The following SCARB1 variants were observed in gnomAD, a reference collection of about 807,000 sequenced individuals.
SCARB1 encodes the protein scavenger receptor class B member 1.
Under a neutral mutation model 57.2 loss-of-function variants are expected in SCARB1, and 30 were observed. The ratio of observed to expected loss-of-function variants is 0.52; its 90% CI spans 0.39 to 0.71. The LOEUF (loss-of-function observed/expected upper bound fraction) is 0.71, where lower values mean the gene tolerates loss of function less well. Ranked by LOEUF, SCARB1 falls within the 30% of genes least tolerant of loss-of-function variation. The probability of loss-of-function intolerance (pLI) is 0.00; values close to 1 mark genes in which losing one functional copy is unlikely to be tolerated. For synonymous variants in SCARB1, 249 were observed against 268.3 expected, an observed-to-expected ratio of 0.93 and a Z score of 0.70; for missense variants, 543 against 671.2, an observed-to-expected ratio of 0.81 and a Z score of 2.11.
rs563331378 is a variant in SCARB1, at chr12:124,780,579, G to A, written c.*1-1993C>T. 2.6e-5 allele frequency among the ~76,000 whole-genome samples: 4 copies of A among 152,334 alleles called. No homozygotes were observed. The South Asian group carries it at 8.3e-4, about 32-fold the overall frequency. On this transcript the variant is annotated intron_variant, in intron 12 of 12. Transcript: ENST00000261693. ...CTGCAGCCAGCCACTGGAGGACACT[G>A]CATTCCCCGTTTCACATGCCTAGGG...
At chr12:124,788,193 C>G (rs1317902622) in intron 9 of SCARB1, among the ~76,000 whole-genome samples, 1 of 152,186 alleles carries the variant, frequency 6.6e-6, no homozygotes, top group East Asian at 1.9e-4. Context: ...GGAATCTCCC[C>G]TGGCAAAGAG....
chr12:124,795,274 G>A lies in SCARB1; in HGVS notation c.1129-6C>T, dbSNP rs1477163711. 1 of 1,613,062 alleles carries A rather than the reference G, an allele frequency of 6.2e-7. No individual in the cohort carries two copies. Among genetic ancestry groups the A allele is most frequent in the East Asian group, 2.2e-5 (1 of 44,844 alleles). ...TTCATGGGGATTCCCGTGACCTGCG[G>A]CAACAAACACAGTGAGGAGACTGGC... On this transcript the variant is annotated splice_region_variant and splice_polypyrimidine_tract_variant and intron_variant, in intron 8 of 12. Transcript: ENST00000261693.
At chr12:124,798,702 G>T (rs1487057834) in intron 8 of SCARB1, among the ~76,000 whole-genome samples, 4 of 151,954 alleles carry the variant, frequency 2.6e-5, no homozygotes, top group Non-Finnish European at 5.9e-5. Flanking sequence ...AATTAGCCGG[G>T]TGTGGTGGTG....
At chr12:124,825,488 T>A (rs188617101) in intron 1 of SCARB1, among the ~76,000 whole-genome samples, 5 of 152,034 alleles carry the variant, frequency 3.3e-5, no homozygotes, top group South Asian at 4.2e-4. Context: ...CGGGCCAACA[T>A]GGTGCAACCC....
intron 1 of SCARB1, among the ~76,000 whole-genome samples, chr12:124,836,888 C>T (rs1323958143): frequency 6.6e-6 from 1 of 152,212 alleles, no homozygotes; most frequent in Non-Finnish European, 1.5e-5. Flanking sequence ...TTAAACCACT[C>T]GCTTGCCCAA....
intron 7 of SCARB1, among the ~76,000 whole-genome samples, chr12:124,806,780 C>T (rs964661851): frequency 5.9e-5 from 9 of 151,966 alleles, no homozygotes; most frequent in Non-Finnish European, 1.3e-4. Context: ...CCCACACCTG[C>T]GGTCCCAGCT....
At position 124,817,441 on chromosome 12, in the gene SCARB1, G is replaced by A. The variant is rs910126060; in HGVS notation, c.284+109C>T. ...CCCGACTATGACTTGCCTGCTTCCG[G>A]AACAATCTCTGGGGCTCAGTCAGCA... On this transcript the variant is annotated intron_variant, in intron 2 of 12. Transcript: ENST00000261693. This position sits in a 1 kb window ranked among gnomAD's most constrained non-coding sequence, Gnocchi z 4.8. 2.6e-6 allele frequency: 3 copies of A among 1,139,110 alleles called. No individual in the cohort carries two copies. The highest frequency in any genetic ancestry group is 3.8e-6 in the Non-Finnish European group (3 of 784,514). 70.6% of individuals were successfully genotyped at this position (1,139,110 alleles called of 1,614,324 possible). A position where few individuals can be genotyped will look rare whatever the true frequency, so the allele number is the denominator to read the frequency against.
chr12:124,783,257 T>A (rs770854092), intron 11 of SCARB1: 90 of 218,504 alleles, frequency 4.1e-4, no homozygotes, highest in Non-Finnish European at 6.2e-4. Flanking sequence ...CTCACTCTGT[T>A]GTCCAGGCTG....
At chr12:124,828,578 T>C (rs1951262511) in intron 1 of SCARB1, among the ~76,000 whole-genome samples, 1 of 152,196 alleles carries the variant, frequency 6.6e-6, no homozygotes, top group Non-Finnish European at 1.5e-5. Context: ...ACTTCACCTC[T>C]TAAATTCTCA....
rs564054554 is a variant in SCARB1, at chr12:124,789,505, C to T, written c.1203-2048G>A. The stretch of plus-strand genomic sequence containing the variant: ...CATCAAGGCTCTCAGATGGGGAGAG[C>T]GTCCTGGAATATCTAGGTGGGTCCA... On this transcript the variant is annotated intron_variant, in intron 9 of 12. Transcript: ENST00000261693. This position sits in a 1 kb window ranked among gnomAD's most constrained non-coding sequence, Gnocchi z 4.4. Among the ~76,000 whole-genome samples the T allele has an allele frequency of 2.6e-5, 4 of 152,152 alleles. No individual in the cohort carries two copies. Among genetic ancestry groups the T allele is most frequent in the South Asian group, 4.2e-4 (2 of 4,808 alleles).
intron 9 of SCARB1, among the ~76,000 whole-genome samples, chr12:124,787,898 A>G (rs1949581134): frequency 6.6e-6 from 1 of 152,100 alleles, no homozygotes; most frequent in Admixed American, 6.5e-5. Context: ...GTACAATAAG[A>G]TATTTTGAGG....
Position 124,782,796 on chromosome 12 carries a change from A to T in SCARB1, c.1417T>A (p.Phe473Ile), listed in dbSNP as rs1235499908. Reference sequence around the variant, plus strand: ...GAGCCCTTTTTACTACTACTCCAAAATAAATAGCATTTCTCCTAGAAGATA... The same window carrying T: ...GAGCCCTTTTTACTACTACTCCAAATTAAATAGCATTTCTCCTAGAAGATA... ...QIRSQEKCYLFWSSSKKGSKD... is the reference protein window; with the variant it reads ...QIRSQEKCYLIWSSSKKGSKD... The change falls in exon 12 of 13, where the codon TTT becomes ATT. Residue 473 changes from phenylalanine to isoleucine, a missense_variant. Phe to Ile is a conservative substitution (Grantham distance 21, BLOSUM62 0). Coordinates refer to ENST00000261693, the MANE Select transcript of SCARB1 (RefSeq NM_005505.5). The T allele has an allele frequency of 1.2e-6, 2 of 1,613,914 alleles. No individual in the cohort carries two copies. Among genetic ancestry groups the T allele is most frequent in the African/African-American group, 2.7e-5 (2 of 74,926 alleles).
intron 7 of SCARB1, among the ~76,000 whole-genome samples, chr12:124,804,152 G>GC (rs1950244104): frequency 6.6e-6 from 1 of 152,158 alleles, no homozygotes; most frequent in Non-Finnish European, 1.5e-5. Context: ...TGGCCAATCA[G>GC]CATAGTCCAC....
Position 124,795,197 on chromosome 12 carries a change from A to G in SCARB1, c.1200T>C (p.Ile400=). 1 of 1,613,264 alleles carries G rather than the reference A, an allele frequency of 6.2e-7. No homozygotes were observed. The highest frequency in any genetic ancestry group is 1.3e-5 in the African/African-American group (1 of 75,010). ...LSLYMKSVAG[I]GQTGKIEPVV... ...CCCAGCTCCCAGTCCCCACTCACCC[A>G]ATGCCTGCGACAGATTTCATGTAGA... Residue 400 remains isoleucine (I), a splice_region_variant and synonymous_variant, in exon 9 of 13, where the codon ATT becomes ATC. Coordinates refer to ENST00000261693, the MANE Select transcript of SCARB1 (RefSeq NM_005505.5).
chr12:124,845,578 G>C (rs1425626344), intron 1 of SCARB1, among the ~76,000 whole-genome samples: 1 of 150,632 alleles, frequency 6.6e-6, no homozygotes, highest in African/African-American at 2.4e-5. Flanking sequence ...GGTGGCGGGC[G>C]CCTGTAGTCC....
intron 1 of SCARB1, among the ~76,000 whole-genome samples, chr12:124,855,716 A>G (rs950527043): frequency 6.6e-6 from 1 of 152,196 alleles, no homozygotes; most frequent in Non-Finnish European, 1.5e-5. Flanking sequence ...CCTCCACAGA[A>G]TCCTCCAGGC....
At chr12:124,790,053 A>G (rs759056639) in intron 9 of SCARB1, among the ~76,000 whole-genome samples, 39 of 150,276 alleles carry the variant, frequency 2.6e-4, no homozygotes, top group Non-Finnish European at 5.6e-4. Flanking sequence ...AGGCAGAGAG[A>G]AATTGGACAG....
intron 1 of SCARB1, among the ~76,000 whole-genome samples, chr12:124,820,828 C>G (rs1950928567): frequency 6.6e-6 from 1 of 152,232 alleles, no homozygotes; most frequent in African/African-American, 2.4e-5. Flanking sequence ...CAGGTATGTT[C>G]AGCACCTGGA....
rs1333627756 is a variant in SCARB1, at chr12:124,824,009, A to AT, written c.127-6303_127-6302insA. ...GTGAAACCCCGCCTCTATTAAAAAA[A>AT]AAATATATACAAAAATTAGCTGGGC... On this transcript the variant is annotated intron_variant, in intron 1 of 12. Transcript: ENST00000261693. 4.2e-4 allele frequency among the ~76,000 whole-genome samples: 63 copies of AT among 149,810 alleles called. No individual in the cohort carries two copies. The Middle Eastern group carries it at 0.01, about 24-fold the overall frequency.
Sources: gnomAD v4.1 joint callset for allele counts (sites outside exome capture counted in the v4.1 genomes callset) on GRCh38, gnomAD v4.1.1 for gene constraint, Gnocchi (gnomAD v3.1) non-coding constraint, MANE v1.5 for transcripts, NCBI Gene and HGNC (gene_info 2026-07-23, HGNC 2026-07-21) for gene names.